Variants in CYFIP1 observed in about 807,000 individuals in gnomAD.
The protein encoded by CYFIP1 is cytoplasmic FMR1-interacting protein 1.
Under a neutral mutation model 163.5 loss-of-function variants are expected in CYFIP1, and 58 were observed. The ratio of observed to expected loss-of-function variants is 0.35; its 90% CI spans 0.29 to 0.44. The LOEUF (loss-of-function observed/expected upper bound fraction) is 0.44. Ranked by LOEUF, CYFIP1 falls within the 20% of genes least tolerant of loss-of-function variation. The probability of loss-of-function intolerance (pLI) is 1.00; values close to 1 mark genes in which losing one functional copy is unlikely to be tolerated. For synonymous variants in CYFIP1, 663 were observed against 660.7 expected (o/e 1.00, Z -0.05); for missense variants, 1,338 against 1,653.8 (o/e 0.81, Z 3.31).
rs1007305772 is a variant in CYFIP1 at position 22,868,125 on chromosome 15, A to T, written c.*1903T>A. ...GGCCTCCCCTGCCAATGGTGCTGGT[A>T]TCCCATGCAGCTCACCACTGGCTGC... On this transcript the variant is annotated 3_prime_UTR_variant, in exon 31 of 31. Transcript: ENST00000617928. 6 of 152,276 alleles carry T rather than the reference A, an allele frequency of 3.9e-5. No individual in the cohort carries two copies. Among genetic ancestry groups the T allele is most frequent in the Non-Finnish European group, 8.8e-5 (6 of 68,056 alleles). 9.4% of individuals were successfully genotyped at this position (152,276 alleles called of 1,614,324 possible).
chr15:22,893,197 C>T (rs1302807330), intron 22 of CYFIP1, among the ~76,000 whole-genome samples: 1 of 152,166 alleles, frequency 6.6e-6, no homozygotes, highest in East Asian at 1.9e-4. Flanking sequence ...ACAGCAGGAA[C>T]ACCCGGGGTC....
At chr15:22,908,130 T>A (rs1371707262) in intron 21 of CYFIP1, among the ~76,000 whole-genome samples, 5 of 152,264 alleles carry the variant, frequency 3.3e-5, no homozygotes, top group African/African-American at 1.2e-4. Flanking sequence ...CAGGGAAAAA[T>A]GGCAGACAGA....
chr15:22,907,519 C>G (rs764494341), intron 21 of CYFIP1, among the ~76,000 whole-genome samples: 1 of 152,222 alleles, frequency 6.6e-6, no homozygotes, highest in Non-Finnish European at 1.5e-5. Context: ...AACCAGTTCT[C>G]AGACCCAGAG....
chr15:22,896,059 G>A (rs905575351), intron 22 of CYFIP1, among the ~76,000 whole-genome samples: 11 of 152,192 alleles, frequency 7.2e-5, no homozygotes, highest in African/African-American at 2.2e-4. Flanking sequence ...ATCCTGAACT[G>A]TAACCTGCTG....
intron 10 of CYFIP1, among the ~76,000 whole-genome samples, chr15:22,933,334 A>T (rs2061599589): frequency 1.4e-5 from 2 of 147,412 alleles, no homozygotes; most frequent in Non-Finnish European, 3.0e-5. Flanking sequence ...TTTTTTTTTG[A>T]GACGGAGTCT....
chr15:22,965,568 G>C (rs1034312772), intron 1 of CYFIP1, among the ~76,000 whole-genome samples: 1 of 147,552 alleles, frequency 6.8e-6, no homozygotes, highest in African/African-American at 2.7e-5. Flanking sequence ...TACCATCTGG[G>C]TGTGTGTAAG....
Position 22,872,024 on chromosome 15 carries a change from G to A in CYFIP1, c.3597+801C>T, listed in dbSNP as rs143708592. Among the ~76,000 whole-genome samples the A allele has an allele frequency of 4.6e-5, 7 of 152,230 alleles. No individual in the cohort carries two copies. In the East Asian group the frequency reaches 9.7e-4, roughly 21 times the overall value. On this transcript the variant is annotated intron_variant, in intron 30 of 30. Transcript: ENST00000617928. ...AAACTAATACAACAGGGCTGGGCGC[G>A]CCTGTAATCCTAGCACTTTGGGAGG...
At chr15:22,872,182 C>G (rs964375956) in intron 30 of CYFIP1, among the ~76,000 whole-genome samples, 1 of 151,686 alleles carries the variant, frequency 6.6e-6, no homozygotes, top group African/African-American at 2.4e-5. Flanking sequence ...ATAATCCCAG[C>G]TACTCGGGAG....
intron 17 of CYFIP1, among the ~76,000 whole-genome samples, chr15:22,912,783 G>A (rs1308005860): frequency 6.6e-6 from 1 of 152,128 alleles, no homozygotes. Context: ...CTATCTGGGC[G>A]TGGTGGCGCA....
At chr15:22,928,525 G>T (rs979067149) in intron 11 of CYFIP1, among the ~76,000 whole-genome samples, 1 of 152,224 alleles carries the variant, frequency 6.6e-6, no homozygotes, top group African/African-American at 2.4e-5. Context: ...CAAGGGACAG[G>T]CCGCTGCCAC....
At chr15:22,948,010 A>T in intron 1 of CYFIP1, 1 of 984,978 alleles carries the variant, frequency 1.0e-6, no homozygotes, top group Non-Finnish European at 1.2e-6. Flanking sequence ...GGATGGGACC[A>T]GGGGCAGCTG....
At position 22,879,925 on chromosome 15, in the gene CYFIP1, G is replaced by C; in HGVS notation, c.3030C>G (p.Ile1010Met). 6.2e-7 allele frequency: 1 copy of C among 1,612,064 alleles called. No homozygotes were observed. Among genetic ancestry groups the C allele is most frequent in the Non-Finnish European group, 8.5e-7 (1 of 1,179,736 alleles). ...VGNAILFCLL[I>M]EQSLSLEEVC... ...GGGGGCCACTCACCAGGCTCTGCTC[G>C]ATGAGCAGGCAGAAGAGGATGGCGT... The change falls in exon 26 of 31, where the codon ATC (isoleucine) becomes ATG (methionine). Residue 1010 changes from isoleucine (I) to methionine (M), a missense_variant. Ile to Met is a conservative substitution (Grantham distance 10, BLOSUM62 1). Transcript: ENST00000617928.
In CYFIP1 at chr15:22,867,215, G is replaced by C. The variant is rs1595456412; in HGVS notation, c.*2813C>G. ...TGTCATCCCCACTCCATCAATCCCT[G>C]ACCATGTAAGGCTTTTTTATTTTAA... On this transcript the variant is annotated 3_prime_UTR_variant, in exon 31 of 31. Coordinates refer to ENST00000617928, the MANE Select transcript of CYFIP1 (RefSeq NM_014608.6). 1.5e-5 allele frequency: 6 copies of C among 411,300 alleles called. No individual in the cohort carries two copies. The East Asian group carries it at 1.7e-4, about 12-fold the overall frequency. The allele number at this position is 411,300 out of a possible 1,614,324, so 25.5% of individuals were successfully genotyped here.
intron 1 of CYFIP1, among the ~76,000 whole-genome samples, chr15:22,974,729 C>CAAAA (rs1216282085): frequency 1.3e-5 from 2 of 152,118 alleles, no homozygotes; most frequent in Non-Finnish European, 2.9e-5. Flanking sequence ...GACCCTGTCT[C>CAAAA]AAAACAAACA....
chr15:22,958,290 T>TG (rs1398825734), intron 1 of CYFIP1, among the ~76,000 whole-genome samples: 3 of 152,102 alleles, frequency 2.0e-5, no homozygotes, highest in Non-Finnish European at 4.4e-5. Context: ...TTCACCATGT[T>TG]GGTCAGGCTG....
chr15:22,878,788 G>T (rs925193677), intron 26 of CYFIP1, among the ~76,000 whole-genome samples: 4 of 151,138 alleles, frequency 2.6e-5, no homozygotes, highest in African/African-American at 7.3e-5. Flanking sequence ...AATGGGAGAA[G>T]AATTTACGAT....
chr15:22,904,165 C>T lies in CYFIP1; in HGVS notation c.2389-260G>A, dbSNP rs2142017027. On this transcript the variant is annotated intron_variant, in intron 21 of 30. Transcript: ENST00000617928. The stretch of plus-strand genomic sequence containing the variant: ...CCCTGCTGTCCAGCACCCTGTGGGG[C>T]AGCGTGCACGTGTGGCCTGCTACTG... The T allele has an allele frequency of 1.8e-5, 10 of 553,012 alleles. No individual in the cohort carries two copies. The South Asian group carries it at 1.8e-4, about 10-fold the overall frequency. The allele number at this position is 553,012 out of a possible 1,614,324, so 34.3% of individuals were successfully genotyped here. A position where few individuals can be genotyped will look rare whatever the true frequency, so the allele number is the denominator to read the frequency against.
At chr15:22,889,400 T>A (rs2060008992) in intron 23 of CYFIP1, among the ~76,000 whole-genome samples, 1 of 152,176 alleles carries the variant, frequency 6.6e-6, no homozygotes, top group Non-Finnish European at 1.5e-5. Flanking sequence ...CATGTTGGCA[T>A]CTTAATGGAA....
rs1487221259 is a variant in CYFIP1 at position 22,879,908 on chromosome 15, C to T, written c.3042+5G>A. 1 of 1,609,892 alleles carries T rather than the reference C, an allele frequency of 6.2e-7. No individual in the cohort carries two copies. Among genetic ancestry groups the T allele is most frequent in the East Asian group, 2.2e-5 (1 of 44,860 alleles). ...GGGGAGGGGCGGCGTTGGGGGGCCA[C>T]TCACCAGGCTCTGCTCGATGAGCAG... is the stretch of plus-strand genomic sequence containing the variant. On this transcript the variant is annotated splice_donor_5th_base_variant and intron_variant, in intron 26 of 30. Transcript: ENST00000617928.
Sources: gnomAD v4.1 joint callset for allele counts (sites outside exome capture counted in the v4.1 genomes callset) on GRCh38, gnomAD v4.1.1 for gene constraint, MANE v1.5 for transcripts, NCBI Gene and HGNC (gene_info 2026-07-23, HGNC 2026-07-21) for gene names.